The following PRKCB variants were observed in gnomAD, a reference collection of about 807,000 sequenced individuals.
The protein encoded by PRKCB is protein kinase C beta type.
A neutral mutation model predicts 81.5 loss-of-function variants in PRKCB; 13 were observed. That is an observed-to-expected ratio of 0.16 (90% CI 0.10 to 0.25). The LOEUF is 0.25. Among genes scored for constraint, PRKCB ranks in the 10% least tolerant of loss-of-function variants. PRKCB has a pLI of 1.00. For synonymous variants in PRKCB, 335 were observed against 321.4 expected, an observed-to-expected ratio of 1.04 and a Z score of -0.45; for missense variants, 509 against 875.7, an observed-to-expected ratio of 0.58 and a Z score of 5.29.
intron 2 of PRKCB, among the ~76,000 whole-genome samples, chr16:23,949,925 C>A (rs542619090): frequency 2.0e-5 from 3 of 152,192 alleles, no homozygotes; most frequent in Non-Finnish European, 4.4e-5. Flanking sequence ...CAGCCACCCA[C>A]ACCTCTTCCC....
chr16:24,042,518 C>T (rs767583352), intron 5 of PRKCB, among the ~76,000 whole-genome samples: 4 of 152,168 alleles, frequency 2.6e-5, no homozygotes, highest in South Asian at 2.1e-4. Flanking sequence ...TATATTCTGT[C>T]GTTAACGTTT....
In PRKCB at chr16:23,968,688, A is replaced by G. The variant is rs201809502; in HGVS notation, c.206-19820A>G. On this transcript the variant is annotated intron_variant, in intron 2 of 16. Coordinates refer to ENST00000643927, the MANE Select transcript of PRKCB (RefSeq NM_002738.7). The stretch of plus-strand genomic sequence containing the variant: ...CAGCTCACAGCAGAATCAGAGAGAA[A>G]AAAATGGATCTGAGAGGTGAAACAA... Among the ~76,000 whole-genome samples, 3 of 152,172 alleles carry G rather than the reference A, an allele frequency of 2.0e-5. No homozygotes were observed. In the East Asian group the frequency reaches 5.8e-4, roughly 29 times the overall value.
chr16:24,138,141 C>G (rs190874882), intron 9 of PRKCB, among the ~76,000 whole-genome samples: 13 of 152,146 alleles, frequency 8.5e-5, no homozygotes, highest in Non-Finnish European at 1.6e-4. Flanking sequence ...AGTCCTGAAG[C>G]GGTGGAGGCA....
intron 9 of PRKCB, among the ~76,000 whole-genome samples, chr16:24,134,526 C>T (rs554729745): frequency 6.6e-6 from 1 of 152,214 alleles, no homozygotes; most frequent in East Asian, 1.9e-4. Context: ...GCAGGCAGAT[C>T]ACGAGGTCAG....
intron 2 of PRKCB, among the ~76,000 whole-genome samples, chr16:23,954,848 T>C (rs989650869): frequency 6.6e-6 from 1 of 152,124 alleles, no homozygotes; most frequent in Admixed American, 6.5e-5. Flanking sequence ...GGTCAGGAGT[T>C]TGAGAACAGT....
intron 2 of PRKCB, among the ~76,000 whole-genome samples, chr16:23,898,533 G>A (rs1963416664): frequency 6.6e-6 from 1 of 152,094 alleles, no homozygotes; most frequent in Non-Finnish European, 1.5e-5. Context: ...GTTATGATAA[G>A]TATTACAAAT....
chr16:24,060,770 C>T (rs1311934885), intron 5 of PRKCB, among the ~76,000 whole-genome samples: 1 of 152,198 alleles, frequency 6.6e-6, no homozygotes, highest in East Asian at 1.9e-4. Flanking sequence ...AGCTACAGAG[C>T]TCCCTCATGG....
chr16:24,127,249 G>A (rs906150029), intron 9 of PRKCB, among the ~76,000 whole-genome samples: 2 of 150,584 alleles, frequency 1.3e-5, no homozygotes, highest in African/African-American at 2.4e-5. Context: ...CAGGTGATCT[G>A]CCTGCCTCAG....
intron 2 of PRKCB, among the ~76,000 whole-genome samples, chr16:23,935,672 T>G (rs1405272005): frequency 6.6e-6 from 1 of 152,142 alleles, no homozygotes; most frequent in African/African-American, 2.4e-5. Context: ...CAGGTGCCCA[T>G]CAGTGGCAGA....
At chr16:23,906,612 T>G (rs1963565532) in intron 2 of PRKCB, among the ~76,000 whole-genome samples, 1 of 152,178 alleles carries the variant, frequency 6.6e-6, no homozygotes, top group African/African-American at 2.4e-5. Flanking sequence ...AGAGGAATTC[T>G]CCCATATTTT....
chr16:24,072,832 T>A (rs756876982), intron 5 of PRKCB, among the ~76,000 whole-genome samples: 95 of 152,302 alleles, frequency 6.2e-4, no homozygotes, highest in Non-Finnish European at 7.5e-4. Flanking sequence ...TCCACCCGCC[T>A]CAGCCTCCCA....
At chr16:24,007,561 C>T (rs1965142460) in intron 3 of PRKCB, among the ~76,000 whole-genome samples, 1 of 152,186 alleles carries the variant, frequency 6.6e-6, no homozygotes, top group Admixed American at 6.5e-5. Context: ...TTCCAAACAT[C>T]CCTTTGTCCC....
chr16:24,193,000 C>T (rs541765570), intron 16 of PRKCB, among the ~76,000 whole-genome samples: 2 of 152,066 alleles, frequency 1.3e-5, no homozygotes, highest in South Asian at 4.2e-4. Context: ...TCTTCTGTTA[C>T]CCAGGTTGGA....
intron 2 of PRKCB, among the ~76,000 whole-genome samples, chr16:23,941,198 G>A (rs1217553271): frequency 1.3e-5 from 2 of 152,184 alleles, no homozygotes; most frequent in African/African-American, 2.4e-5. Flanking sequence ...AAAGAAGTGA[G>A]CATGGCTGTG....
intron 5 of PRKCB, among the ~76,000 whole-genome samples, chr16:24,085,404 A>G (rs184395859): frequency 2.0e-4 from 30 of 152,346 alleles, no homozygotes; most frequent in Non-Finnish European, 1.0e-4. Context: ...TGATTGTTAC[A>G]TAATTTGGTC....
intron 2 of PRKCB, among the ~76,000 whole-genome samples, chr16:23,958,414 T>C (rs1454860759): frequency 8.0e-5 from 12 of 149,970 alleles, no homozygotes; most frequent in African/African-American, 3.0e-4. Context: ...AAGCGATTCT[T>C]CTGCCTCAGC....
chr16:24,051,276 G>A (rs915090880), intron 5 of PRKCB, among the ~76,000 whole-genome samples: 1 of 152,190 alleles, frequency 6.6e-6, no homozygotes, highest in Non-Finnish European at 1.5e-5. Flanking sequence ...CAGGTAGGGC[G>A]GGAAACCAGC....
At chr16:23,898,969 G>T (rs1446007084) in intron 2 of PRKCB, among the ~76,000 whole-genome samples, 1 of 152,158 alleles carries the variant, frequency 6.6e-6, no homozygotes, top group East Asian at 1.9e-4. Context: ...TTAGGTCTAT[G>T]CCTGGACCAT....
chr16:23,998,530 C>T (rs897303936), intron 3 of PRKCB, among the ~76,000 whole-genome samples: 1 of 152,176 alleles, frequency 6.6e-6, no homozygotes, highest in African/African-American at 2.4e-5. Context: ...AGCCAGCATT[C>T]CTAGCCTCAG....
Sources: allele counts gnomAD v4.1 joint callset (sites outside exome capture counted in the v4.1 genomes callset), GRCh38; gene constraint gnomAD v4.1.1; transcripts MANE v1.5; gene names NCBI Gene and HGNC (gene_info 2026-07-23, HGNC 2026-07-21).